Variants in MACROD2 observed in about 807,000 individuals in gnomAD.
MACROD2 encodes mono-ADP ribosylhydrolase 2, also known as ADP-ribose glycohydrolase MACROD2.
A neutral mutation model predicts 70.4 loss-of-function variants in MACROD2; 36 were observed. The ratio of observed to expected loss-of-function variants is 0.51; its 90% CI spans 0.39 to 0.68. MACROD2 has a LOEUF of 0.68. Among genes scored for constraint, MACROD2 ranks in the 30% least tolerant of loss-of-function variants. The pLI is 0.00. For synonymous variants in MACROD2, 172 were observed against 178.8 expected (o/e 0.96, Z 0.30); for missense variants, 496 against 538.4 (o/e 0.92, Z 0.78).
rs529240764 is a variant in MACROD2, at chr20:14,780,809, G to A, written c.418+95850G>A. Reference sequence around the variant, plus strand: ...TCTATTCAGATGCCAGCAATGGACCGTTTTCACAAAATCTAGGATCTTTAT... The same window carrying A: ...TCTATTCAGATGCCAGCAATGGACCATTTTCACAAAATCTAGGATCTTTAT... On this transcript the variant is annotated intron_variant, in intron 5 of 17. Coordinates refer to ENST00000684519, the MANE Select transcript of MACROD2 (RefSeq NM_001351661.2). Among the ~76,000 whole-genome samples, 23 of 152,152 alleles carry A rather than the reference G, an allele frequency of 1.5e-4. No individual in the cohort carries two copies. The South Asian group carries it at 1.7e-3, about 11-fold the overall frequency.
intron 15 of MACROD2, among the ~76,000 whole-genome samples, chr20:16,024,514 GAC>G (rs918559866): frequency 3.0e-4 from 34 of 112,586 alleles, no homozygotes; most frequent in African/African-American, 9.5e-4. Context: ...CACACACACA[GAC>G]ACACACACAC....
At chr20:15,477,782 G>A (rs1430673991) in intron 7 of MACROD2, among the ~76,000 whole-genome samples, 1 of 152,166 alleles carries the variant, frequency 6.6e-6, no homozygotes, top group Non-Finnish European at 1.5e-5. Flanking sequence ...CAGGATATTG[G>A]GATGGGAGGA....
At chr20:14,561,372 G>A (rs1398994626) in intron 4 of MACROD2, among the ~76,000 whole-genome samples, 4 of 151,782 alleles carry the variant, frequency 2.6e-5, no homozygotes. Flanking sequence ...TTATGGAGTA[G>A]AAACCACTGT....
chr20:14,296,191 C>T (rs2082426619), intron 3 of MACROD2, among the ~76,000 whole-genome samples: 1 of 151,758 alleles, frequency 6.6e-6, no homozygotes, highest in African/African-American at 2.4e-5. Context: ...TATTTATAAG[C>T]TTGCTATAAT....
At chr20:14,528,321 G>GTTTT (rs530596762) in intron 4 of MACROD2, among the ~76,000 whole-genome samples, 10 of 137,026 alleles carry the variant, frequency 7.3e-5, no homozygotes, top group South Asian at 2.4e-4. Context: ...CAGGGTTTCT[G>GTTTT]TTTTTTTTTT....
intron 8 of MACROD2, among the ~76,000 whole-genome samples, chr20:15,704,632 A>G (rs1175774096): frequency 1.3e-5 from 2 of 152,362 alleles, no homozygotes; most frequent in East Asian, 3.9e-4. Context: ...AGATGCTGCC[A>G]TTCTAACAAG....
intron 6 of MACROD2, among the ~76,000 whole-genome samples, chr20:15,379,475 A>T (rs1285920641): frequency 6.6e-6 from 1 of 151,106 alleles, no homozygotes; most frequent in Non-Finnish European, 1.5e-5. Flanking sequence ...TTTTTTTTCC[A>T]CCGAAACCTG....
At position 13,995,580 on chromosome 20, in the gene MACROD2, A is replaced by C. The variant is rs1320016419; in HGVS notation, c.-184A>C. The C allele has an allele frequency of 4.4e-6, 3 of 676,906 alleles. No homozygotes were observed. Among genetic ancestry groups the C allele is most frequent in the Non-Finnish European group, 8.1e-6 (3 of 369,606 alleles). 41.9% of individuals were successfully genotyped at this position (676,906 alleles called of 1,614,324 possible). On this transcript the variant is annotated 5_prime_UTR_variant, in exon 1 of 18. Coordinates refer to ENST00000684519, the MANE Select transcript of MACROD2 (RefSeq NM_001351661.2). The surrounding 1 kb of genome is among the most constrained non-coding windows in gnomAD (Gnocchi z 4.3). ...CTGAGGCGGGTGGGAGCCGGAGCCGAGCGCGGGCTGAGGGAGGAGGGCGGC... is the reference window on the plus strand; with the variant it reads ...CTGAGGCGGGTGGGAGCCGGAGCCGCGCGCGGGCTGAGGGAGGAGGGCGGC...
chr20:14,373,308 T>A (rs1357509888), intron 3 of MACROD2, among the ~76,000 whole-genome samples: 1 of 152,178 alleles, frequency 6.6e-6, no homozygotes, highest in Non-Finnish European at 1.5e-5. Context: ...TTCCCTCCTA[T>A]TTTTAATATG....
At chr20:15,054,650 A>G (rs1272529103) in intron 5 of MACROD2, among the ~76,000 whole-genome samples, 2 of 152,180 alleles carry the variant, frequency 1.3e-5, no homozygotes, top group Non-Finnish European at 2.9e-5. Context: ...GGAATTGAAC[A>G]TGTTAATATT....
chr20:14,783,988 C>G, intron 5 of MACROD2, among the ~76,000 whole-genome samples: 1 of 152,088 alleles, frequency 6.6e-6, no homozygotes, highest in East Asian at 1.9e-4. Flanking sequence ...AGAGAAAGCT[C>G]TTAGGCAAAA....
intron 8 of MACROD2, among the ~76,000 whole-genome samples, chr20:15,573,768 C>T (rs150889752): frequency 6.6e-6 from 1 of 152,240 alleles, no homozygotes; most frequent in Non-Finnish European, 1.5e-5. Flanking sequence ...ACCACACACC[C>T]TTATTCCTCT....
At chr20:14,729,246 A>G (rs2123698821) in intron 5 of MACROD2, among the ~76,000 whole-genome samples, 1 of 152,318 alleles carries the variant, frequency 6.6e-6, no homozygotes, top group East Asian at 1.9e-4. Context: ...GATATGCTCT[A>G]GTAGCAGAAT....
At chr20:14,146,549 G>C (rs79946798) in intron 3 of MACROD2, among the ~76,000 whole-genome samples, 2 of 152,084 alleles carry the variant, frequency 1.3e-5, no homozygotes, top group Admixed American at 1.3e-4. Flanking sequence ...AAGAAGAGAG[G>C]CTCCACAATC....
chr20:14,495,406 G>A (rs1298374048), intron 4 of MACROD2, among the ~76,000 whole-genome samples: 4 of 152,156 alleles, frequency 2.6e-5, no homozygotes, highest in African/African-American at 9.7e-5. Context: ...CCAAACATGA[G>A]TCAGTTTTCT....
At chr20:15,985,113 C>A (rs1181113422) in intron 13 of MACROD2, among the ~76,000 whole-genome samples, 1 of 152,150 alleles carries the variant, frequency 6.6e-6, no homozygotes, top group Non-Finnish European at 1.5e-5. Context: ...TTCCTGGTGT[C>A]ACAGTAACAC....
rs1555830595 is a variant in MACROD2 at position 14,789,460 on chromosome 20, A to ATTCTTTT, written c.418+104503_418+104504insCTTTTTT. ...CTTGTGGATTAATCAGGTAGTGCAA[A>ATTCTTTT]TTTTTTTTTTTTTTTTTTTTTTTTT... On this transcript the variant is annotated intron_variant, in intron 5 of 17. Transcript: ENST00000684519. Among the ~76,000 whole-genome samples the ATTCTTTT allele has an allele frequency of 3.6e-3, 175 of 48,378 alleles. 3 individuals are homozygous for ATTCTTTT. Among genetic ancestry groups the ATTCTTTT allele is most frequent in the Middle Eastern group, 0.023 (1 of 44 alleles). 31.7% of individuals were successfully genotyped at this position (48,378 alleles called of 152,430 possible). A position where few individuals can be genotyped will look rare whatever the true frequency, so the allele number is the denominator to read the frequency against.
intron 3 of MACROD2, among the ~76,000 whole-genome samples, chr20:14,158,208 T>C (rs572988094): frequency 6.6e-5 from 10 of 152,228 alleles, no homozygotes; most frequent in Admixed American, 3.9e-4. Flanking sequence ...ATATACTTGT[T>C]GGTCATTTGT....
At chr20:15,528,975 C>T (rs1200648483) in intron 8 of MACROD2, among the ~76,000 whole-genome samples, 1 of 152,142 alleles carries the variant, frequency 6.6e-6, no homozygotes, top group Non-Finnish European at 1.5e-5. Flanking sequence ...AATTACTGCT[C>T]TAACAAAGAC....
Sources: allele counts gnomAD v4.1 joint callset (sites outside exome capture counted in the v4.1 genomes callset), GRCh38; gene constraint gnomAD v4.1.1; non-coding constraint Gnocchi (gnomAD v3.1); transcripts MANE v1.5; gene names NCBI Gene and HGNC (gene_info 2026-07-23, HGNC 2026-07-21).